MGAM: variants seen among roughly 807,000 people sequenced by gnomAD.
The protein encoded by MGAM is maltase-glucoamylase.
Under a neutral mutation model 358.8 loss-of-function variants are expected in MGAM, and 253 were observed. The observed-to-expected ratio is 0.71, with a 90% CI of 0.64 to 0.78. The LOEUF is 0.78. Among genes scored for constraint, MGAM ranks in the 30% least tolerant of loss-of-function variants. MGAM has a pLI of 0.00. For synonymous variants in MGAM, 1,105 were observed against 1,227.1 expected (o/e 0.90, Z 2.08); for missense variants, 3,080 against 3,432.6 (o/e 0.90, Z 2.57).
At chr7:141,989,587 G>C (rs898263887) in intron 2 of MGAM, among the ~76,000 whole-genome samples, 3 of 149,352 alleles carry the variant, frequency 2.0e-5, no homozygotes, top group African/African-American at 7.4e-5. Context: ...ACAGGGTCTT[G>C]CTGTGTTGCC....
chr7:142,092,250 C>A (rs1029382421), intron 58 of MGAM, among the ~76,000 whole-genome samples: 1 of 146,114 alleles, frequency 6.8e-6, no homozygotes, highest in Non-Finnish European at 1.5e-5. Flanking sequence ...TACTATAAAA[C>A]CTCTGAGGCA....
chr7:141,998,217 G>A (rs1554449406), intron 1 of MGAM, among the ~76,000 whole-genome samples: 2 of 152,110 alleles, frequency 1.3e-5, no homozygotes, highest in Admixed American at 1.3e-4. Flanking sequence ...TATTGCTTTT[G>A]CGTAATGTAT....
intron 25 of MGAM, 128 bp downstream of exon 25, chr7:142,052,574 T>A: frequency 1.4e-6 from 2 of 1,381,410 alleles, no homozygotes; most frequent in Non-Finnish European, 1.9e-6. Context: ...GGACAGGATC[T>A]AGATGTGACA....
chr7:142,061,003 G>A (rs577121303), intron 34 of MGAM, among the ~76,000 whole-genome samples: 1 of 152,136 alleles, frequency 6.6e-6, no homozygotes, highest in East Asian at 1.9e-4. Flanking sequence ...CATGCTTCTG[G>A]ACCTGAATTT....
At chr7:142,041,016 C>A (rs1171056713) in intron 21 of MGAM, among the ~76,000 whole-genome samples, 170 bp downstream of exon 21, 1 of 152,156 alleles carries the variant, frequency 6.6e-6, no homozygotes, top group Non-Finnish European at 1.5e-5. Context: ...CAATTCTGGG[C>A]AAACCAGGTC....
At chr7:142,054,943 C>T in intron 27 of MGAM, 35 bp downstream of exon 27, 1 of 1,604,960 alleles carries the variant, frequency 6.2e-7, no homozygotes, top group Non-Finnish European at 8.5e-7. Context: ...GAGTTGATGG[C>T]TACCTGCGCC....
chr7:142,022,900 C>A (rs1806597737), intron 7 of MGAM, among the ~76,000 whole-genome samples: 1 of 152,120 alleles, frequency 6.6e-6, no homozygotes, highest in African/African-American at 2.4e-5. Context: ...CTAAAACAAT[C>A]ATTTTTTGTA....
chr7:142,042,019 A>C (rs1427898867), intron 21 of MGAM, among the ~76,000 whole-genome samples: 3 of 22,166 alleles, frequency 1.4e-4, no homozygotes, highest in Non-Finnish European at 2.0e-4. Flanking sequence ...AATATAATAT[A>C]TATATATTAT....
chr7:142,044,045 TATACATTATATACACATAC>T (rs1809542321), intron 21 of MGAM, among the ~76,000 whole-genome samples: 2 of 129,258 alleles, frequency 1.5e-5, no homozygotes, highest in African/African-American at 6.2e-5. Flanking sequence ...ACGTATAATA[TATACATTATATACACATAC>T]GACGTATAAT....
intron 41 of MGAM, 63 bp from the exon 42 acceptor site, chr7:142,067,275 GCTT>G (rs1486249033): frequency 1.7e-6 from 2 of 1,154,344 alleles, no homozygotes; most frequent in African/African-American, 2.9e-5. Context: ...AACTTGAGGA[GCTT>G]CTTCAGAGTG....
At chr7:142,062,830 C>G (rs1205529052) in intron 35 of MGAM, 128 bp downstream of exon 35, 9 of 1,463,592 alleles carry the variant, frequency 6.1e-6, no homozygotes, top group Admixed American at 4.7e-5. Context: ...ATAGCAGACA[C>G]TTCTTCCTCT....
In MGAM at chr7:142,064,414, G is replaced by A; in HGVS notation, c.4376G>A (p.Ser1459Asn). ...HLESRDRGLS[S>N]KTLCMESQQI... ...GAGTCCAGGGACAGGGGCCTGAGCA[G>A]CAAGACCCTTTGTATGGAGAGTCAG... Residue 1459 changes from serine (S) to asparagine (N), a missense_variant, in exon 37 of 71, where the codon AGC becomes AAC. Transcript: ENST00000475668. 6.2e-7 allele frequency: 1 copy of A among 1,608,472 alleles called. No individual in the cohort carries two copies. The highest frequency in any genetic ancestry group is 1.1e-5 in the South Asian group (1 of 89,468).
At chr7:141,998,208 A>G (rs1228746766) in intron 1 of MGAM, among the ~76,000 whole-genome samples, 1 of 152,160 alleles carries the variant, frequency 6.6e-6, no homozygotes, top group African/African-American at 2.4e-5. Flanking sequence ...AAAAAATTCT[A>G]TTGCTTTTGC....
intron 53 of MGAM, 81 bp from the exon 54 acceptor site, chr7:142,084,437 GA>G: frequency 7.0e-7 from 1 of 1,433,792 alleles, no homozygotes; most frequent in East Asian, 2.3e-5. Flanking sequence ...TTGGGGCACA[GA>G]AAAATATTCT....
chr7:142,029,860 T>C (rs1217944695), intron 10 of MGAM, among the ~76,000 whole-genome samples: 1 of 152,204 alleles, frequency 6.6e-6, no homozygotes, highest in Admixed American at 6.5e-5. Flanking sequence ...GGGTACATTT[T>C]ATTCTGGGCT....
chr7:142,082,794 G>T (rs1418293407), intron 52 of MGAM, among the ~76,000 whole-genome samples: 2 of 146,158 alleles, frequency 1.4e-5, no homozygotes, highest in African/African-American at 4.9e-5. Flanking sequence ...CACATAAGAA[G>T]GGATAGTAAA....
At position 142,105,951 on chromosome 7, in the gene MGAM, C is replaced by G; in HGVS notation, c.*60C>G. Reference sequence around the variant, plus strand: ...ACTTTGAAACTACTTATACTTCATACTCATAAAAATTATTGTGTGTTGCTA... The same window carrying G: ...ACTTTGAAACTACTTATACTTCATAGTCATAAAAATTATTGTGTGTTGCTA... On this transcript the variant is annotated 3_prime_UTR_variant, in exon 71 of 71. Transcript: ENST00000475668. 1 of 1,273,036 alleles carries G rather than the reference C, an allele frequency of 7.9e-7. No homozygotes were observed. Among genetic ancestry groups the G allele is most frequent in the Non-Finnish European group, 1.1e-6 (1 of 876,316 alleles). The allele number at this position is 1,273,036 out of a possible 1,614,324, so 78.9% of individuals were successfully genotyped here. A position where few individuals can be genotyped will look rare whatever the true frequency, so the allele number is the denominator to read the frequency against.
chr7:142,086,825 A>T lies in MGAM; in HGVS notation c.6810+108A>T, dbSNP rs1369503800. ...TGTGGACATGGGCTTGGCAAGGGAGAAACACTTAGGGCATGTGTGTTGGAT... is the reference window on the plus strand; with the variant it reads ...TGTGGACATGGGCTTGGCAAGGGAGTAACACTTAGGGCATGTGTGTTGGAT... On this transcript the variant is annotated intron_variant, in intron 57 of 70. Coordinates refer to ENST00000475668, the MANE Select transcript of MGAM (RefSeq NM_001365693.1). The T allele has an allele frequency of 9.5e-6, 5 of 528,004 alleles. 1 individual carries two copies. The African/African-American group carries it at 1.5e-4, about 15-fold the overall frequency. The allele number at this position is 528,004 out of a possible 1,614,324, so 32.7% of individuals were successfully genotyped here. A position where few individuals can be genotyped will look rare whatever the true frequency, so the allele number is the denominator to read the frequency against.
At position 142,020,662 on chromosome 7, in the gene MGAM, C is replaced by T. The variant is rs538816143; in HGVS notation, c.449-312C>T. Among the ~76,000 whole-genome samples the T allele has an allele frequency of 4.5e-3, 649 of 144,642 alleles. 3 individuals are homozygous for T. Among genetic ancestry groups the T allele is most frequent in the Middle Eastern group, 7.9e-3 (2 of 252 alleles). 94.9% of individuals were successfully genotyped at this position (144,642 alleles called of 152,430 possible). On this transcript the variant is annotated intron_variant, in intron 4 of 70. Transcript: ENST00000475668. The stretch of plus-strand genomic sequence containing the variant: ...TGTCATGCAGGCTGGAGCTGTGGTG[C>T]GATCTCAGCTCACTGCAACCTCCAC...
Sources: allele counts gnomAD v4.1 joint callset (sites outside exome capture counted in the v4.1 genomes callset), GRCh38; gene constraint gnomAD v4.1.1; transcripts MANE v1.5; gene names NCBI Gene and HGNC (gene_info 2026-07-23, HGNC 2026-07-21).